MYH11: variants seen among roughly 807,000 people sequenced by gnomAD.
MYH11 encodes myosin heavy chain 11.
Under a neutral mutation model 246.6 loss-of-function variants are expected in MYH11, and 80 were observed. The observed-to-expected ratio is 0.32, with a 90% CI of 0.27 to 0.39. MYH11 has a LOEUF of 0.39. Ranked by LOEUF, MYH11 falls within the 10% of genes least tolerant of loss-of-function variation. MYH11 has a pLI of 1.00. For synonymous variants in MYH11, 1,071 were observed against 1,015.5 expected (o/e 1.05, Z -1.04); for missense variants, 2,158 against 2,546.8 (o/e 0.85, Z 3.29).
intron 2 of MYH11, among the ~76,000 whole-genome samples, chr16:15,834,541 GAAGA>G (rs961273533): frequency 9.3e-5 from 13 of 140,382 alleles, no homozygotes; most frequent in African/African-American, 3.3e-4. Context: ...AAAAAAAAAA[GAAGA>G]AAGAAAGAAA....
chr16:15,755,515 A>G (rs548814330), intron 14 of MYH11, among the ~76,000 whole-genome samples: 1 of 152,246 alleles, frequency 6.6e-6, no homozygotes, highest in Non-Finnish European at 1.5e-5. Context: ...GAGGCCAGGT[A>G]CAGTGGCTCG....
chr16:15,856,222 T>TGA (rs2044464767), intron 1 of MYH11, among the ~76,000 whole-genome samples: 1 of 149,356 alleles, frequency 6.7e-6, no homozygotes, highest in Non-Finnish European at 1.5e-5. Context: ...GTGAGTTGTT[T>TGA]TTTTTTTTTT....
intron 28 of MYH11, 47 bp downstream of exon 28, chr16:15,726,801 G>T: frequency 6.2e-7 from 1 of 1,604,884 alleles, no homozygotes. Context: ...CCACAGAACT[G>T]GGCACCACCC....
Position 15,725,294 on chromosome 16 carries a change from G to T in MYH11, c.3859-302C>A, listed in dbSNP as rs1390115602. On this transcript the variant is annotated intron_variant, in intron 28 of 40. Coordinates refer to ENST00000300036, the MANE Select transcript of MYH11 (RefSeq NM_002474.3). The stretch of plus-strand genomic sequence containing the variant: ...GACTGGGACCTGATCCCACTAAATG[G>T]ATCCTAGATCCCTGCCAAGGTTGGT... 4 of 573,082 alleles carry T rather than the reference G, an allele frequency of 7.0e-6. No individual in the cohort carries two copies. In the African/African-American group the frequency reaches 7.5e-5, roughly 11 times the overall value. 35.5% of individuals were successfully genotyped at this position (573,082 alleles called of 1,614,324 possible). A position where few individuals can be genotyped will look rare whatever the true frequency, so the allele number is the denominator to read the frequency against.
chr16:15,790,514 A>C (rs2042583985), intron 4 of MYH11, among the ~76,000 whole-genome samples: 1 of 152,128 alleles, frequency 6.6e-6, no homozygotes, highest in African/African-American at 2.4e-5. Context: ...GGTTCTGCCA[A>C]AGAAAACATC....
At chr16:15,833,845 C>G (rs377721051) in intron 2 of MYH11, among the ~76,000 whole-genome samples, 2 of 152,160 alleles carry the variant, frequency 1.3e-5, no homozygotes, top group African/African-American at 4.8e-5. Context: ...TGTGCTCCCC[C>G]ACCCCAACCC....
chr16:15,714,486 A>G lies in MYH11; in HGVS notation c.5786+423T>C, dbSNP rs567916297. On this transcript the variant is annotated intron_variant, in intron 40 of 40. Coordinates refer to ENST00000300036, the MANE Select transcript of MYH11 (RefSeq NM_002474.3). ...CCCATACCCGAGAATAATGCAGCCC[A>G]GATGGCAGCAGTGCTGAGGGGGAGA... 1.5e-5 allele frequency: 4 copies of G among 274,274 alleles called. No homozygotes were observed. In the South Asian group the frequency reaches 1.9e-4, roughly 13 times the overall value. The allele number at this position is 274,274 out of a possible 1,614,324, so 17.0% of individuals were successfully genotyped here. A position where few individuals can be genotyped will look rare whatever the true frequency, so the allele number is the denominator to read the frequency against.
chr16:15,748,500 C>T (rs182358475), intron 16 of MYH11, among the ~76,000 whole-genome samples: 1 of 152,294 alleles, frequency 6.6e-6, no homozygotes, highest in Non-Finnish European at 1.5e-5. Flanking sequence ...CAAATATCTC[C>T]CAACCCCCCC....
At chr16:15,777,803 T>G (rs937514643) in intron 7 of MYH11, among the ~76,000 whole-genome samples, 7 of 152,162 alleles carry the variant, frequency 4.6e-5, no homozygotes, top group Admixed American at 3.3e-4. Flanking sequence ...ATTTAACCCC[T>G]GCACCAGCTC....
intron 9 of MYH11, among the ~76,000 whole-genome samples, chr16:15,765,090 A>T (rs78120588): frequency 6.6e-6 from 1 of 152,336 alleles, no homozygotes; most frequent in Non-Finnish European, 1.5e-5. Context: ...GCCTATTCCA[A>T]GGTCCTGATA....
Position 15,735,268 on chromosome 16 carries a change from G to A in MYH11, c.3506+98C>T, listed in dbSNP as rs2041082241. ...CGCGGCCAGGAAGGTAAATGCACAGGGGCTGATGCACGATTTGCTTTGGGT... is the reference window on the plus strand; with the variant it reads ...CGCGGCCAGGAAGGTAAATGCACAGAGGCTGATGCACGATTTGCTTTGGGT... On this transcript the variant is annotated intron_variant, in intron 26 of 40. Transcript: ENST00000300036. The A allele has an allele frequency of 3.8e-6, 5 of 1,319,304 alleles. No homozygotes were observed. The East Asian group carries it at 1.1e-4, about 30-fold the overall frequency. 81.7% of individuals were successfully genotyped at this position (1,319,304 alleles called of 1,614,324 possible).
intron 3 of MYH11, among the ~76,000 whole-genome samples, chr16:15,814,685 C>A (rs2043223808): frequency 1.3e-5 from 2 of 150,302 alleles, no homozygotes. Context: ...CAGAAACTGG[C>A]AATGCCAGGG....
chr16:15,809,540 A>T (rs1011320368), intron 3 of MYH11, among the ~76,000 whole-genome samples: 1 of 150,908 alleles, frequency 6.6e-6, no homozygotes, highest in African/African-American at 2.4e-5. Flanking sequence ...TCACAAAAAA[A>T]TGCTGTTGGA....
rs62030638 is a variant in MYH11, at chr16:15,823,680, G to A, written c.346-269C>T. Among the ~76,000 whole-genome samples the A allele has an allele frequency of 0.1, 15,711 of 152,008 alleles. 868 individuals are homozygous for A. The highest frequency in any genetic ancestry group is 0.12 in the Non-Finnish European group (8,075 of 67,944). On this transcript the variant is annotated intron_variant, in intron 2 of 40. Transcript: ENST00000300036. ...CACTCTGTCACCTAGGCTGGAGTGC[G>A]GTGGTGTGAACGTGACTCACTGAAA...
chr16:15,715,433 G>C (rs1360020189), intron 38 of MYH11, among the ~76,000 whole-genome samples, 161 bp from the exon 39 acceptor site: 1 of 152,164 alleles, frequency 6.6e-6, no homozygotes, highest in Admixed American at 6.5e-5. Context: ...CCATGAAAAG[G>C]AATAAAGTAT....
intron 5 of MYH11, chr16:15,784,698 G>T: frequency 1.2e-6 from 2 of 1,613,814 alleles, no homozygotes; most frequent in Non-Finnish European, 1.7e-6. Context: ...AGTTACTCAC[G>T]TAGGCAAAAG....
At chr16:15,735,664 G>C in intron 25 of MYH11, 86 bp from the exon 26 acceptor site, 1 of 1,328,224 alleles carries the variant, frequency 7.5e-7, no homozygotes, top group Non-Finnish European at 1.1e-6. Context: ...TCTGGGACCA[G>C]ACAGTTATGT....
At chr16:15,825,797 G>A (rs544480963) in intron 2 of MYH11, among the ~76,000 whole-genome samples, 1 of 152,080 alleles carries the variant, frequency 6.6e-6, no homozygotes, top group Non-Finnish European at 1.5e-5. Context: ...TTTCCTTACT[G>A]GATACTAGAT....
chr16:15,743,099 A>T (rs1257945369), intron 20 of MYH11, among the ~76,000 whole-genome samples: 3 of 151,402 alleles, frequency 2.0e-5, no homozygotes, highest in Non-Finnish European at 4.4e-5. Context: ...TGAACTCATC[A>T]TTCAGCTAGG....
Sources: gnomAD v4.1 joint callset for allele counts (sites outside exome capture counted in the v4.1 genomes callset) on GRCh38, gnomAD v4.1.1 for gene constraint, MANE v1.5 for transcripts, NCBI Gene and HGNC (gene_info 2026-07-23, HGNC 2026-07-21) for gene names.